KIF16B: variants seen among roughly 807,000 people sequenced by gnomAD.
KIF16B encodes the protein kinesin family member 16B, also known as kinesin-like protein KIF16B.
A neutral mutation model predicts 156.3 loss-of-function variants in KIF16B; 98 were observed. The observed-to-expected ratio is 0.63, with a 90% CI of 0.53 to 0.74. The LOEUF is 0.74. Among genes scored for constraint, KIF16B ranks in the 30% least tolerant of loss-of-function variants. The pLI is 0.00. For synonymous variants in KIF16B, 564 were observed against 583.7 expected, an observed-to-expected ratio of 0.97 and a Z score of 0.49; for missense variants, 1,421 against 1,606.5, an observed-to-expected ratio of 0.88 and a Z score of 1.97.
At chr20:16,312,458 C>A in intron 24 of KIF16B, 40 bp from the exon 25 acceptor site, 2 of 1,332,196 alleles carry the variant, frequency 1.5e-6, no homozygotes, top group Non-Finnish European at 2.2e-6. Context: ...TAATAGCATA[C>A]CTGTTAATTG....
chr20:16,357,776 A>G (rs1233696395), intron 22 of KIF16B, among the ~76,000 whole-genome samples: 3 of 152,246 alleles, frequency 2.0e-5, no homozygotes, highest in Admixed American at 1.3e-4. Context: ...GCATTTTGGC[A>G]TGAAGTTTCC....
chr20:16,301,833 A>G (rs2063476608), intron 25 of KIF16B, among the ~76,000 whole-genome samples: 1 of 152,096 alleles, frequency 6.6e-6, no homozygotes, highest in African/African-American at 2.4e-5. Context: ...TATTTTTAGT[A>G]GAGATGGGGT....
intron 25 of KIF16B, among the ~76,000 whole-genome samples, chr20:16,306,871 C>A (rs767395239): frequency 6.6e-6 from 1 of 152,108 alleles, no homozygotes; most frequent in African/African-American, 2.4e-5. Flanking sequence ...ACATTTAATT[C>A]TCAGTACAAC....
chr20:16,559,389 G>C (rs2070974332), intron 1 of KIF16B, among the ~76,000 whole-genome samples: 1 of 152,144 alleles, frequency 6.6e-6, no homozygotes, highest in South Asian at 2.1e-4. Context: ...CCCTAAATAT[G>C]GTTATCAGCA....
chr20:16,439,228 C>A (rs2066729359), intron 12 of KIF16B, among the ~76,000 whole-genome samples: 3 of 152,176 alleles, frequency 2.0e-5, no homozygotes, highest in African/African-American at 7.2e-5. Context: ...CTGCCCTGGT[C>A]CCAGTAACCT....
chr20:16,279,673 A>T (rs1020802502), intron 25 of KIF16B, among the ~76,000 whole-genome samples: 1 of 152,076 alleles, frequency 6.6e-6, no homozygotes. Context: ...GGAGAATCAC[A>T]TTTCAGATAG....
intron 1 of KIF16B, among the ~76,000 whole-genome samples, chr20:16,562,364 G>A (rs532053814): frequency 4.6e-5 from 7 of 152,186 alleles, no homozygotes; most frequent in African/African-American, 1.2e-4. Context: ...CTTAATACAC[G>A]GGAAAGAGCT....
chr20:16,364,870 G>A (rs1011418668), intron 22 of KIF16B, among the ~76,000 whole-genome samples: 7 of 152,108 alleles, frequency 4.6e-5, no homozygotes, highest in African/African-American at 1.2e-4. Context: ...ATTTTTATAC[G>A]ATGCTCGTAT....
In KIF16B at chr20:16,428,966, C is replaced by A; in HGVS notation, c.1461G>T (p.Thr487=). 6.2e-7 allele frequency: 1 copy of A among 1,613,264 alleles called. No homozygotes were observed. Among genetic ancestry groups the A allele is most frequent in the Non-Finnish European group, 8.5e-7 (1 of 1,179,418 alleles). Residue 487 remains threonine (T), a synonymous_variant, in exon 14 of 26, where the codon ACG becomes ACT. Coordinates refer to ENST00000354981, the MANE Select transcript of KIF16B (RefSeq NM_024704.5). ...AAATATGCTCACCAATATCTTGCTCCGTGGAAGCATCGTCTCTACCAACGT... is the reference window on the plus strand; with the variant it reads ...AAATATGCTCACCAATATCTTGCTCAGTGGAAGCATCGTCTCTACCAACGT... The part of the protein sequence containing the change: ...QTYVGRDDAS[T]EQDIVLHGLD...
At chr20:16,339,041 A>C (rs1374486689) in intron 23 of KIF16B, among the ~76,000 whole-genome samples, 1 of 152,224 alleles carries the variant, frequency 6.6e-6, no homozygotes, top group Non-Finnish European at 1.5e-5. Context: ...TCGAAATGGG[A>C]GTTTAAGATG....
At chr20:16,433,779 T>A (rs1347053295) in intron 12 of KIF16B, among the ~76,000 whole-genome samples, 1 of 152,190 alleles carries the variant, frequency 6.6e-6, no homozygotes, top group Non-Finnish European at 1.5e-5. Context: ...ATTATAAAAG[T>A]GTCACCTCAT....
intron 17 of KIF16B, among the ~76,000 whole-genome samples, chr20:16,402,127 C>G (rs2065671530): frequency 6.6e-6 from 1 of 152,078 alleles, no homozygotes; most frequent in Non-Finnish European, 1.5e-5. Context: ...GATGCCATCA[C>G]ACTTGCTTTC....
At position 16,573,424 on chromosome 20, in the gene KIF16B, C is replaced by A. The variant is rs2071531911; in HGVS notation, c.-149G>T. Reference sequence around the variant, plus strand: ...GGCCGGACCTGGAGTTCCGCGGCAGCCCCACCTGCCAGGCCACTGAGCATG... The same window carrying A: ...GGCCGGACCTGGAGTTCCGCGGCAGACCCACCTGCCAGGCCACTGAGCATG... On this transcript the variant is annotated 5_prime_UTR_variant, in exon 1 of 26. Transcript: ENST00000354981. 3.0e-5 allele frequency: 24 copies of A among 791,518 alleles called. No homozygotes were observed. The South Asian group carries it at 4.1e-4, about 14-fold the overall frequency. The allele number at this position is 791,518 out of a possible 1,614,324, so 49.0% of individuals were successfully genotyped here. A position where few individuals can be genotyped will look rare whatever the true frequency, so the allele number is the denominator to read the frequency against.
At chr20:16,367,868 G>T in intron 22 of KIF16B, 1 of 1,565,398 alleles carries the variant, frequency 6.4e-7, no homozygotes. Context: ...ACAGTGAGCA[G>T]AAGACCCTCT....
intron 17 of KIF16B, among the ~76,000 whole-genome samples, chr20:16,384,287 G>T (rs1280977280): frequency 1.3e-5 from 2 of 152,128 alleles, no homozygotes; most frequent in Admixed American, 6.5e-5. Flanking sequence ...CAGGCTCCCG[G>T]TCTGTAAGTG....
intron 25 of KIF16B, among the ~76,000 whole-genome samples, chr20:16,311,013 T>C (rs1407317194): frequency 6.6e-6 from 1 of 152,240 alleles, no homozygotes; most frequent in East Asian, 1.9e-4. Context: ...CCTCTAGATA[T>C]TTCCCTAATC....
Position 16,504,561 on chromosome 20 carries a change from A to T in KIF16B, c.1001-14T>A. On this transcript the variant is annotated splice_polypyrimidine_tract_variant and intron_variant, in intron 9 of 25. Coordinates refer to ENST00000354981, the MANE Select transcript of KIF16B (RefSeq NM_024704.5). ...CAGGTGAAATGGCTGTGAAGAATGT[A>T]TTCAAAAAATAATTTATCCAGCACT... 6.2e-7 allele frequency: 1 copy of T among 1,608,250 alleles called. No homozygotes were observed.
Position 16,273,379 on chromosome 20 carries a change from G to A in KIF16B, c.3828C>T (p.Leu1276=), listed in dbSNP as rs140845694. 9,369 of 1,614,094 alleles carry A rather than the reference G, an allele frequency of 5.8e-3. 227 individuals carry two copies. Among genetic ancestry groups the A allele is most frequent in the South Asian group, 0.057 (5,178 of 91,072 alleles). Residue 1276 remains leucine, a synonymous_variant, in exon 26 of 26, where the codon CTC becomes CTT. Transcript: ENST00000354981. ...TGTGGAGGGGAGATGTTGCGGACTG[G>A]AGCATCACGCTGAAAAAGTCCCTGA... is the stretch of plus-strand genomic sequence containing the variant. The part of the protein sequence containing the change: ...KYLRDFFSVM[L]QSATSPLHIN...
intron 22 of KIF16B, chr20:16,369,286 A>C (rs955359642): frequency 8.1e-6 from 8 of 985,718 alleles, no homozygotes; most frequent in Non-Finnish European, 1.2e-6. Flanking sequence ...GTGTCAAAAA[A>C]AGTTGAAATG....
Sources: gnomAD v4.1 joint callset for allele counts (sites outside exome capture counted in the v4.1 genomes callset) on GRCh38, gnomAD v4.1.1 for gene constraint, MANE v1.5 for transcripts, NCBI Gene and HGNC (gene_info 2026-07-23, HGNC 2026-07-21) for gene names.